Variants in SIN3A observed in about 807,000 individuals in gnomAD.
SIN3A encodes the protein SIN3 transcription regulator family member A.
SIN3A carries 14 observed loss-of-function variants against 146.1 expected under a neutral mutation model. The observed-to-expected ratio is 0.10, with a 90% CI of 0.06 to 0.15. SIN3A has a LOEUF of 0.15. Ranked by LOEUF, SIN3A falls within the 10% of genes least tolerant of loss-of-function variation. SIN3A has a pLI of 1.00. For missense variants in SIN3A, 1,028 were observed against 1,576.0 expected (o/e 0.65, Z 5.89); for synonymous variants, 572 against 572.0 (o/e 1.00, Z 0.00).
chr15:75,409,941 A>G lies in SIN3A; in HGVS notation c.1212T>C (p.His404=). The change falls in exon 8 of 21, where the codon CAT becomes CAC. Residue 404 remains histidine (H), a synonymous_variant. Transcript: ENST00000394947. ...AEKVDSVRND[H]GGTVKKPQLN... is the part of the protein sequence containing the mutation. ...GTTGGGGCTTCTTGACAGTGCCTCCATGATCATTTCTCACAGAATCAACCT... is the reference window on the plus strand; with the variant it reads ...GTTGGGGCTTCTTGACAGTGCCTCCGTGATCATTTCTCACAGAATCAACCT... 6.2e-7 allele frequency: 1 copy of G among 1,614,146 alleles called. No individual in the cohort carries two copies. The highest frequency in any genetic ancestry group is 8.5e-7 in the Non-Finnish European group (1 of 1,180,038).
At chr15:75,449,722 A>G (rs992247364) in intron 1 of SIN3A, among the ~76,000 whole-genome samples, 1 of 150,496 alleles carries the variant, frequency 6.6e-6, no homozygotes, top group Non-Finnish European at 1.5e-5. Context: ...CATAAAATAA[A>G]AAAGAAAAGA....
intron 17 of SIN3A, among the ~76,000 whole-genome samples, chr15:75,383,140 T>C (rs945500907): frequency 6.6e-6 from 1 of 150,864 alleles, no homozygotes; most frequent in Non-Finnish European, 1.5e-5. Context: ...GACATAGTGG[T>C]ACATGACTGT....
chr15:75,372,091 T>G lies in SIN3A; in HGVS notation c.3710A>C (p.Glu1237Ala). ...ACAGGGCACCAGGCCCTCCAGCCCCTCACCCATGAGCCACTTGCTGGTCTC... is the reference window on the plus strand; with the variant it reads ...ACAGGGCACCAGGCCCTCCAGCCCCGCACCCATGAGCCACTTGCTGGTCTC... ...AAETSKWLMG[E>A]GLEGLVPCTT... Residue 1237 changes from glutamate (E) to alanine (A), a missense_variant, in exon 21 of 21, where the codon GAG (glutamate) becomes GCG (alanine). By Grantham distance (107) the Glu-to-Ala change is moderately radical. Around this residue, in one of 9 missense-constraint regions of SIN3A, gnomAD observed 488 missense variants for 690.2 expected, o/e 0.71. Transcript: ENST00000394947. 1 of 1,614,194 alleles carries G rather than the reference T, an allele frequency of 6.2e-7. No individual in the cohort carries two copies. The highest frequency in any genetic ancestry group is 8.5e-7 in the Non-Finnish European group (1 of 1,180,040).
In SIN3A at chr15:75,400,859, C is replaced by T. The variant is rs199708568; in HGVS notation, c.1608G>A (p.Glu536=). The part of the protein sequence containing the change: ...ESVHLETYPK[E]RATEGIAMEI... ...CCATAGCAATGCCCTCTGTGGCTCG[C>T]TCCTTTGGATAAGTTTCCAGATGTA... The change falls in exon 11 of 21, where the codon GAG becomes GAA. Residue 536 remains glutamate, a synonymous_variant. Transcript: ENST00000394947. The T allele has an allele frequency of 9.3e-6, 15 of 1,614,162 alleles. No individual in the cohort carries two copies. In the East Asian group the frequency reaches 2.7e-4, roughly 29 times the overall value.
chr15:75,435,116 T>C (rs1303083834), intron 1 of SIN3A, among the ~76,000 whole-genome samples: 1 of 152,024 alleles, frequency 6.6e-6, no homozygotes, highest in Non-Finnish European at 1.5e-5. Flanking sequence ...ACCCATCCCA[T>C]GCATATTATG....
chr15:75,387,721 G>A (rs2073117094), intron 16 of SIN3A, among the ~76,000 whole-genome samples: 1 of 151,968 alleles, frequency 6.6e-6, no homozygotes, highest in African/African-American at 2.4e-5. Context: ...AGCTGTGCTG[G>A]TGGTATGAAA....
rs542047742 is a variant in SIN3A, at chr15:75,427,230, G to A, written c.189+2957C>T. Among the ~76,000 whole-genome samples, 8 of 152,170 alleles carry A rather than the reference G, an allele frequency of 5.3e-5. No individual in the cohort carries two copies. The South Asian group carries it at 6.2e-4, about 12-fold the overall frequency. Reference sequence around the variant, plus strand: ...TCTACTAAAAATACAAAAATTAGCCGGGCATGGTGGCTTGCGCCTGTAATC... The same window carrying A: ...TCTACTAAAAATACAAAAATTAGCCAGGCATGGTGGCTTGCGCCTGTAATC... On this transcript the variant is annotated intron_variant, in intron 2 of 20. Coordinates refer to ENST00000394947, the MANE Select transcript of SIN3A (RefSeq NM_001145358.2).
At chr15:75,433,006 AC>A (rs757433372) in intron 1 of SIN3A, among the ~76,000 whole-genome samples, 6 of 152,174 alleles carry the variant, frequency 3.9e-5, no homozygotes, top group Non-Finnish European at 5.9e-5. Flanking sequence ...GCACCACTGC[AC>A]CCCAGGCTGG....
chr15:75,422,806 C>T lies in SIN3A; in HGVS notation c.207G>A (p.Gln69=). The change falls in exon 3 of 21, where the codon CAG becomes CAA. Residue 69 remains glutamine, a synonymous_variant. Coordinates refer to ENST00000394947, the MANE Select transcript of SIN3A (RefSeq NM_001145358.2). ...TPSYQVSAMP[Q]SSGSHGPAIA... Reference sequence around the variant, plus strand: ...TAGCGGGCCCATGACTGCCGGAGCTCTGTGGCATGGCTGAAACCTGGGGTG... The same window carrying T: ...TAGCGGGCCCATGACTGCCGGAGCTTTGTGGCATGGCTGAAACCTGGGGTG... 1 of 1,613,208 alleles carries T rather than the reference C, an allele frequency of 6.2e-7. No homozygotes were observed. Among genetic ancestry groups the T allele is most frequent in the East Asian group, 2.2e-5 (1 of 44,858 alleles).
At chr15:75,426,328 G>A (rs8028182) in intron 2 of SIN3A, among the ~76,000 whole-genome samples, 1 of 151,940 alleles carries the variant, frequency 6.6e-6, no homozygotes, top group Non-Finnish European at 1.5e-5. Context: ...GACACCTAAG[G>A]AATCACCATT....
chr15:75,379,927 T>A (rs117256304), intron 19 of SIN3A, among the ~76,000 whole-genome samples: 3 of 152,336 alleles, frequency 2.0e-5, no homozygotes, highest in Non-Finnish European at 4.4e-5. Flanking sequence ...AAGTTGGCCC[T>A]TGGCTGGGGG....
At chr15:75,373,271 G>A (rs939842319) in intron 20 of SIN3A, among the ~76,000 whole-genome samples, 1 of 152,094 alleles carries the variant, frequency 6.6e-6, no homozygotes, top group African/African-American at 2.4e-5. Context: ...CCAGCTACTC[G>A]AGAGGCTGAG....
chr15:75,386,041 G>C (rs2073070092), intron 16 of SIN3A, among the ~76,000 whole-genome samples: 1 of 152,162 alleles, frequency 6.6e-6, no homozygotes, highest in African/African-American at 2.4e-5. Context: ...TTCTTTTTGA[G>C]ACAGAGTCTC....
rs2141452479 is a variant in SIN3A at position 75,400,080 on chromosome 15, T to C, written c.1814A>G (p.Tyr605Cys). 1.2e-6 allele frequency: 2 copies of C among 1,611,188 alleles called. No homozygotes were observed. Among genetic ancestry groups the C allele is most frequent in the Non-Finnish European group, 1.7e-6 (2 of 1,177,370 alleles). Residue 605 changes from tyrosine to cysteine, a missense_variant, in exon 12 of 21, where the codon TAT becomes TGT. This residue lies in a region of SIN3A where 157 missense variants were observed against 284.8 expected (regional missense o/e 0.55). Coordinates refer to ENST00000394947, the MANE Select transcript of SIN3A (RefSeq NM_001145358.2). ...STFVSSKKTQ[Y>C]EEHIYRCEDE... The stretch of plus-strand genomic sequence containing the variant: ...TTCACAACGATAAATATGTTCTTCA[T>C]ATTGAGTCTTCTTGGAACTCACAAA...
At chr15:75,445,226 CA>C (rs1199036993) in intron 1 of SIN3A, among the ~76,000 whole-genome samples, 3 of 149,964 alleles carry the variant, frequency 2.0e-5, no homozygotes, top group Admixed American at 6.6e-5. Flanking sequence ...ACTAAAAATA[CA>C]AAAAATTAGC....
intron 2 of SIN3A, among the ~76,000 whole-genome samples, chr15:75,424,684 A>G (rs538136468): frequency 1.4e-4 from 22 of 152,276 alleles, no homozygotes; most frequent in African/African-American, 5.3e-4. Context: ...CATGTTGCCC[A>G]GGCTGGTCTT....
At chr15:75,395,319 A>C (rs1190918108) in intron 13 of SIN3A, among the ~76,000 whole-genome samples, 1 of 152,194 alleles carries the variant, frequency 6.6e-6, no homozygotes, top group Non-Finnish European at 1.5e-5. Context: ...AGAAGAGAAC[A>C]GACTAAGACA....
intron 16 of SIN3A, among the ~76,000 whole-genome samples, chr15:75,385,565 TATC>T (rs2073061666): frequency 6.6e-6 from 1 of 152,254 alleles, no homozygotes; most frequent in South Asian, 2.1e-4. Context: ...AATGAAACTT[TATC>T]ATCAAAATGA....
chr15:75,387,383 G>A (rs569604531), intron 16 of SIN3A, among the ~76,000 whole-genome samples: 62 of 151,760 alleles, frequency 4.1e-4, no homozygotes, highest in African/African-American at 1.3e-3. Flanking sequence ...TAAATTAGCC[G>A]GTGTGGTGGC....
Sources: gnomAD v4.1 joint callset for allele counts (sites outside exome capture counted in the v4.1 genomes callset) on GRCh38, gnomAD v4.1.1 for gene constraint, gnomAD v4.1.1 regional missense constraint, MANE v1.5 for transcripts, NCBI Gene and HGNC (gene_info 2026-07-23, HGNC 2026-07-21) for gene names.